VWA8: variants seen among roughly 807,000 people sequenced by gnomAD.
VWA8 encodes the protein von Willebrand factor A domain-containing protein 8.
A neutral mutation model predicts 241.5 loss-of-function variants in VWA8; 221 were observed. The ratio of observed to expected loss-of-function variants is 0.91; its 90% CI spans 0.82 to 1.02. VWA8 has a LOEUF of 1.02. VWA8 is among the 50% of genes least tolerant of loss of function. The pLI is 0.00. For synonymous variants in VWA8, 852 were observed against 827.1 expected (o/e 1.03, Z -0.52); for missense variants, 2,322 against 2,328.7 (o/e 1.00, Z 0.06).
chr13:41,731,781 C>T (rs936650141), intron 22 of VWA8, among the ~76,000 whole-genome samples: 4 of 152,080 alleles, frequency 2.6e-5, no homozygotes, highest in Non-Finnish European at 5.9e-5. Context: ...ATAAGTCTCA[C>T]AAGATCTGAT....
chr13:41,926,625 A>G lies in VWA8; in HGVS notation c.242-14457T>C, dbSNP rs1005182906. On this transcript the variant is annotated intron_variant, in intron 2 of 44. Coordinates refer to ENST00000379310, the MANE Select transcript of VWA8 (RefSeq NM_015058.2). ...TATATGGCCTATGCAGACTACCACA[A>G]TCTCTTGGAAATCACAGAGAAGATG... 21 of 545,228 alleles carry G rather than the reference A, an allele frequency of 3.9e-5. 2 individuals are homozygous for G. Among genetic ancestry groups the G allele is most frequent in the Admixed American group, 1.2e-4 (6 of 51,848 alleles). 33.8% of individuals were successfully genotyped at this position (545,228 alleles called of 1,614,324 possible). A position where few individuals can be genotyped will look rare whatever the true frequency, so the allele number is the denominator to read the frequency against.
chr13:41,960,242 G>A (rs1161627514), intron 1 of VWA8, among the ~76,000 whole-genome samples: 2 of 152,186 alleles, frequency 1.3e-5, no homozygotes, highest in African/African-American at 2.4e-5. Context: ...TCCCTTCTGG[G>A]TTTCAATTAC....
chr13:41,751,138 T>TA (rs72243014), intron 21 of VWA8, among the ~76,000 whole-genome samples: 171 of 147,644 alleles, frequency 1.2e-3, no homozygotes, highest in Middle Eastern at 7.1e-3. Context: ...AAATGTTAAA[T>TA]AAAAAAAAAA....
rs954488111 is a variant in VWA8 at position 41,592,066 on chromosome 13, C to T, written c.4987-1301G>A. 1.8e-4 allele frequency among the ~76,000 whole-genome samples: 28 copies of T among 151,590 alleles called. 2 individuals carry two copies. The highest frequency in any genetic ancestry group is 6.8e-4 in the African/African-American group (28 of 41,144). On this transcript the variant is annotated intron_variant, in intron 40 of 44. Transcript: ENST00000379310. ...CAATAGCAAAGTCTTGGAACCAACC[C>T]AAATGTCCAGCAACGATAGACTGGA... is the stretch of plus-strand genomic sequence containing the variant.
At chr13:41,573,486 A>AAATATATATATATATATAT in intron 43 of VWA8, among the ~76,000 whole-genome samples, 1 of 113,612 alleles carries the variant, frequency 8.8e-6, no homozygotes, top group African/African-American at 3.4e-5. Context: ...AAAAAAAAAA[A>AAATATATATATATATATAT]ATATATATAT....
intron 20 of VWA8, among the ~76,000 whole-genome samples, chr13:41,763,113 AAAAC>A (rs746738961): frequency 2.6e-4 from 39 of 151,842 alleles, no homozygotes; most frequent in African/African-American, 7.7e-4. Flanking sequence ...ATAAAAACAA[AAAAC>A]AAACAAACAA....
chr13:41,708,712 C>CTAGA (rs1311490484), intron 26 of VWA8, among the ~76,000 whole-genome samples: 1 of 152,170 alleles, frequency 6.6e-6, no homozygotes, highest in Non-Finnish European at 1.5e-5. Flanking sequence ...GCAGAGTAAT[C>CTAGA]TAGATGTATG....
In VWA8 at chr13:41,777,942, C is replaced by T. The variant is rs200133405; in HGVS notation, c.2349+43G>A. The T allele has an allele frequency of 1.1e-4, 162 of 1,488,304 alleles. No individual in the cohort carries two copies. The African/African-American group carries it at 2.0e-3, about 19-fold the overall frequency. 92.2% of individuals were successfully genotyped at this position (1,488,304 alleles called of 1,614,324 possible). A position where few individuals can be genotyped will look rare whatever the true frequency, so the allele number is the denominator to read the frequency against. ...GAAACTTACTGCTTTTAAATTGTTA[C>T]TATCATTTTTTCATTGGTACCTAGA... On this transcript the variant is annotated intron_variant, in intron 20 of 44. Coordinates refer to ENST00000379310, the MANE Select transcript of VWA8 (RefSeq NM_015058.2).
intron 2 of VWA8, among the ~76,000 whole-genome samples, chr13:41,949,089 A>G (rs1364930217): frequency 1.3e-5 from 2 of 149,854 alleles, no homozygotes; most frequent in African/African-American, 4.9e-5. Context: ...GTAAAGGGGT[A>G]GGAACACAAG....
chr13:41,602,818 G>A (rs1387697416), intron 40 of VWA8, among the ~76,000 whole-genome samples: 1 of 152,068 alleles, frequency 6.6e-6, no homozygotes, highest in East Asian at 1.9e-4. Context: ...TGACAATGAC[G>A]ATGTAAAGCA....
At chr13:41,653,144 C>T (rs2044879792) in intron 37 of VWA8, among the ~76,000 whole-genome samples, 1 of 152,138 alleles carries the variant, frequency 6.6e-6, no homozygotes, top group Non-Finnish European at 1.5e-5. Context: ...CTATCTCTGA[C>T]CAAATCTTTA....
chr13:41,873,141 A>G (rs1194368119), intron 9 of VWA8, among the ~76,000 whole-genome samples: 1 of 152,194 alleles, frequency 6.6e-6, no homozygotes, highest in Non-Finnish European at 1.5e-5. Context: ...CAACGAGAAC[A>G]AAGACATAAC....
intron 40 of VWA8, 108 bp from the exon 41 acceptor site, chr13:41,590,873 T>G: frequency 1.4e-6 from 2 of 1,401,712 alleles, no homozygotes; most frequent in South Asian, 2.5e-5. Context: ...TTTCAGTAAG[T>G]GATGGTTCTG....
intron 21 of VWA8, among the ~76,000 whole-genome samples, chr13:41,743,649 T>C (rs1189481627): frequency 6.6e-6 from 1 of 152,192 alleles, no homozygotes; most frequent in Non-Finnish European, 1.5e-5. Context: ...CCTCAAGTAG[T>C]CTCCCATTTA....
At chr13:41,727,384 T>G in intron 23 of VWA8, 71 bp from the exon 24 acceptor site, 2 of 1,110,072 alleles carry the variant, frequency 1.8e-6, no homozygotes, top group Non-Finnish European at 2.5e-6. Context: ...AACAATCTTT[T>G]AGATAACATA....
intron 39 of VWA8, among the ~76,000 whole-genome samples, chr13:41,607,619 TGTAGACACAGCTGTCTGTGGG>T (rs1303388310): frequency 1.3e-5 from 2 of 152,042 alleles, no homozygotes; most frequent in Non-Finnish European, 2.9e-5. Context: ...TAGAAACAAA[TGTAGACACAGCTGTCTGTGGG>T]GTGGGGAGGG....
chr13:41,702,375 T>C (rs749271424), intron 27 of VWA8, among the ~76,000 whole-genome samples: 3 of 152,164 alleles, frequency 2.0e-5, no homozygotes, highest in Non-Finnish European at 4.4e-5. Flanking sequence ...ATGATTTAGG[T>C]TTTGCCAATT....
intron 16 of VWA8, among the ~76,000 whole-genome samples, chr13:41,812,049 C>T (rs1870496109): frequency 6.6e-6 from 1 of 152,112 alleles, no homozygotes; most frequent in Non-Finnish European, 1.5e-5. Context: ...GCTGTGTTAC[C>T]TTGGCAAATT....
In VWA8 at chr13:41,729,589, A is replaced by G. The variant is rs1566431600; in HGVS notation, c.2591T>C (p.Val864Ala). The G allele has an allele frequency of 2.5e-6, 4 of 1,613,010 alleles. No individual in the cohort carries two copies. Among genetic ancestry groups the G allele is most frequent in the African/African-American group, 2.7e-5 (2 of 74,838 alleles). ...TNVTCILKTLVENGEMILADG... is the reference protein window; with the variant it reads ...TNVTCILKTLAENGEMILADG... ...TGCTAGAATCATTTCTCCATTTTCT[A>G]CTAGAGTTTTTAAAATACACGTGAC... Residue 864 changes from valine (V) to alanine (A), a missense_variant, in exon 23 of 45, where the codon GTA (valine) becomes GCA (alanine). Coordinates refer to ENST00000379310, the MANE Select transcript of VWA8 (RefSeq NM_015058.2).
Sources: allele counts gnomAD v4.1 joint callset (sites outside exome capture counted in the v4.1 genomes callset), GRCh38; gene constraint gnomAD v4.1.1; transcripts MANE v1.5; gene names NCBI Gene and HGNC (gene_info 2026-07-23, HGNC 2026-07-21).